The following GUCY1A2 variants were observed in gnomAD, a reference collection of about 807,000 sequenced individuals.
The protein encoded by GUCY1A2 is guanylate cyclase 1 soluble subunit alpha 2.
GUCY1A2 carries 27 observed loss-of-function variants against 63.5 expected under a neutral mutation model. The observed-to-expected ratio is 0.43, with a 90% confidence interval of 0.31 to 0.59. The LOEUF (loss-of-function observed/expected upper bound fraction) is 0.59, where lower values mean the gene tolerates loss of function less well. Ranked by LOEUF, GUCY1A2 falls within the 20% of genes least tolerant of loss-of-function variation. The pLI, the probability that GUCY1A2 is intolerant of heterozygous loss-of-function variation, is 0.11. For synonymous variants in GUCY1A2, 364 were observed against 343.5 expected (o/e 1.06, Z -0.66); for missense variants, 768 against 913.3 (o/e 0.84, Z 2.05).
At position 107,002,858 on chromosome 11, in the gene GUCY1A2, G is replaced by C. The variant is rs182751850; in HGVS notation, c.303+14895C>G. ...AAAATGACAAAATCTAGACAAGAAT[G>C]TAATAATAAATTAGGTATGAATAAA... On this transcript the variant is annotated intron_variant, in intron 1 of 7. Coordinates refer to ENST00000526355, the MANE Select transcript of GUCY1A2 (RefSeq NM_000855.3). Among the ~76,000 whole-genome samples, 14 of 152,280 alleles carry C rather than the reference G, an allele frequency of 9.2e-5. No individual in the cohort carries two copies. In the East Asian group the frequency reaches 1.9e-3, roughly 21 times the overall value.
At chr11:106,993,951 A>G (rs1481945240) in intron 1 of GUCY1A2, among the ~76,000 whole-genome samples, 2 of 152,230 alleles carry the variant, frequency 1.3e-5, no homozygotes, top group African/African-American at 4.8e-5. Context: ...CAAAAATCCT[A>G]GGGGTGCTAA....
At chr11:106,852,814 T>C (rs147933640) in intron 4 of GUCY1A2, among the ~76,000 whole-genome samples, 12 of 152,170 alleles carry the variant, frequency 7.9e-5, no homozygotes, top group Non-Finnish European at 1.3e-4. Context: ...GTAATGTTGG[T>C]CTCATATAAT....
At chr11:107,014,159 G>T (rs894081748) in intron 1 of GUCY1A2, among the ~76,000 whole-genome samples, 1 of 137,568 alleles carries the variant, frequency 7.3e-6, no homozygotes, top group Non-Finnish European at 1.5e-5. Flanking sequence ...CGCAATCTCG[G>T]CTCACTACAA....
intron 4 of GUCY1A2, among the ~76,000 whole-genome samples, chr11:106,895,988 G>A (rs1049507801): frequency 3.4e-5 from 5 of 147,084 alleles, no homozygotes; most frequent in East Asian, 2.0e-4. Flanking sequence ...CAGCCTGGGC[G>A]ACAGAGCAAG....
chr11:106,688,320 G>C (rs1327423971), intron 7 of GUCY1A2, among the ~76,000 whole-genome samples: 1 of 152,058 alleles, frequency 6.6e-6, no homozygotes, highest in Non-Finnish European at 1.5e-5. Flanking sequence ...ATCCAAACTC[G>C]ATAGCATTAT....
At chr11:106,885,486 A>G (rs549094985) in intron 4 of GUCY1A2, among the ~76,000 whole-genome samples, 1 of 152,304 alleles carries the variant, frequency 6.6e-6, no homozygotes, top group Admixed American at 6.5e-5. Context: ...AATGACAAGA[A>G]TTCATGTCCA....
chr11:106,698,521 T>TA (rs1395206328), intron 7 of GUCY1A2, among the ~76,000 whole-genome samples: 1 of 152,196 alleles, frequency 6.6e-6, no homozygotes, highest in Admixed American at 6.5e-5. Context: ...ATTGCAAAGA[T>TA]ATATAGTATA....
At chr11:106,887,996 G>A (rs1390227568) in intron 4 of GUCY1A2, among the ~76,000 whole-genome samples, 1 of 152,122 alleles carries the variant, frequency 6.6e-6, no homozygotes, top group Non-Finnish European at 1.5e-5. Context: ...AGTCTTTGAA[G>A]GTTATTACCA....
intron 5 of GUCY1A2, among the ~76,000 whole-genome samples, chr11:106,781,920 T>C (rs1467674251): frequency 2.6e-5 from 4 of 152,330 alleles, no homozygotes; most frequent in African/African-American, 9.6e-5. Flanking sequence ...GAATTTCTTT[T>C]AGCTCCTAAT....
chr11:106,909,231 G>C (rs1289291082), intron 4 of GUCY1A2, among the ~76,000 whole-genome samples: 4 of 151,704 alleles, frequency 2.6e-5, no homozygotes, highest in Non-Finnish European at 5.9e-5. Flanking sequence ...AAATAACAGA[G>C]ATCTTGGATG....
chr11:106,823,059 G>A (rs1457519127), intron 4 of GUCY1A2, among the ~76,000 whole-genome samples: 1 of 151,850 alleles, frequency 6.6e-6, no homozygotes, highest in African/African-American at 2.4e-5. Context: ...TATTTGTTTA[G>A]TTTCCTAAAA....
chr11:106,907,511 C>G (rs1214539111), intron 4 of GUCY1A2, among the ~76,000 whole-genome samples: 2 of 151,980 alleles, frequency 1.3e-5, no homozygotes, highest in East Asian at 3.9e-4. Context: ...CCCATTAACT[C>G]GTCGTTTAGC....
rs140028286 is a variant in GUCY1A2 at position 106,869,622 on chromosome 11, G to A, written c.1207-59144C>T. Reference sequence around the variant, plus strand: ...GTCAGGAGCAACAGGTGCTGGAGAGGATGTGGAGAAATAGGAACATTTTAC... The same window carrying A: ...GTCAGGAGCAACAGGTGCTGGAGAGAATGTGGAGAAATAGGAACATTTTAC... On this transcript the variant is annotated intron_variant, in intron 4 of 7. Coordinates refer to ENST00000526355, the MANE Select transcript of GUCY1A2 (RefSeq NM_000855.3). Among the ~76,000 whole-genome samples the A allele has an allele frequency of 8.8e-3, 1,341 of 152,272 alleles. 17 individuals carry two copies. The highest frequency in any genetic ancestry group is 0.031 in the African/African-American group (1,279 of 41,552).
chr11:106,932,323 T>C lies in GUCY1A2; in HGVS notation c.1206+7137A>G, dbSNP rs78725763. ...ATTCATCATGTAATCATGTACAGTG[T>C]CCTCTTACTATACACAATAAAGTAA... On this transcript the variant is annotated intron_variant, in intron 4 of 7. Coordinates refer to ENST00000526355, the MANE Select transcript of GUCY1A2 (RefSeq NM_000855.3). Among the ~76,000 whole-genome samples, 120 of 152,230 alleles carry C rather than the reference T, an allele frequency of 7.9e-4. 1 individual carries two copies. In the East Asian group the frequency reaches 0.021, roughly 27 times the overall value.
At chr11:106,784,839 T>C (rs1334123241) in intron 5 of GUCY1A2, among the ~76,000 whole-genome samples, 1 of 150,564 alleles carries the variant, frequency 6.6e-6, no homozygotes, top group African/African-American at 2.4e-5. Context: ...TTGTCCTCCA[T>C]GTGAAGTCAT....
intron 4 of GUCY1A2, among the ~76,000 whole-genome samples, chr11:106,896,675 A>G (rs1468131100): frequency 6.6e-6 from 1 of 152,216 alleles, no homozygotes; most frequent in Non-Finnish European, 1.5e-5. Flanking sequence ...CCCTTCTGCC[A>G]CATGAGGATG....
intron 3 of GUCY1A2, among the ~76,000 whole-genome samples, chr11:106,972,902 C>T (rs1028844896): frequency 6.6e-6 from 1 of 152,000 alleles, no homozygotes; most frequent in African/African-American, 2.4e-5. Context: ...AAGAAGCCAG[C>T]GAAAAGGCTA....
At chr11:106,963,271 G>A (rs1861083630) in intron 3 of GUCY1A2, among the ~76,000 whole-genome samples, 1 of 152,168 alleles carries the variant, frequency 6.6e-6, no homozygotes, top group Non-Finnish European at 1.5e-5. Flanking sequence ...TGAATTCAAG[G>A]AAAGTATTTG....
chr11:106,978,470 G>A (rs1160884542), intron 3 of GUCY1A2, 149 bp downstream of exon 3: 4 of 498,966 alleles, frequency 8.0e-6, no homozygotes, highest in Non-Finnish European at 1.4e-5. Context: ...ACATCTTCAG[G>A]AGAGTTAACA....
Sources: gnomAD v4.1 joint callset for allele counts (sites outside exome capture counted in the v4.1 genomes callset) on GRCh38, gnomAD v4.1.1 for gene constraint, MANE v1.5 for transcripts, NCBI Gene and HGNC (gene_info 2026-07-23, HGNC 2026-07-21) for gene names.